Variants in CFAP46 observed in about 807,000 individuals in gnomAD.
CFAP46 encodes cilia and flagella associated protein 46.
Under a neutral mutation model 325.7 loss-of-function variants are expected in CFAP46, and 245 were observed. The ratio of observed to expected loss-of-function variants is 0.75; its 90% CI spans 0.68 to 0.84. The LOEUF is 0.84. Ranked by LOEUF, CFAP46 falls within the 40% of genes least tolerant of loss-of-function variation. CFAP46 has a pLI of 0.00. For missense variants in CFAP46, 3,346 were observed against 3,543.0 expected, an observed-to-expected ratio of 0.94 and a Z score of 1.41; for synonymous variants, 1,523 against 1,495.9, an observed-to-expected ratio of 1.02 and a Z score of -0.42.
Position 132,869,362 on chromosome 10 carries a change from C to T in CFAP46, c.4522G>A (p.Ala1508Thr), listed in dbSNP as rs779226172. 55 of 1,531,388 alleles carry T rather than the reference C, an allele frequency of 3.6e-5. No homozygotes were observed. The highest frequency in any genetic ancestry group is 4.1e-5 in the Non-Finnish European group (47 of 1,141,300). The allele number at this position is 1,531,388 out of a possible 1,614,324, so 94.9% of individuals were successfully genotyped here. A position where few individuals can be genotyped will look rare whatever the true frequency, so the allele number is the denominator to read the frequency against. Residue 1508 changes from alanine to threonine, a missense_variant, in exon 33 of 58, where the codon GCG becomes ACG. Coordinates refer to ENST00000368586, the MANE Select transcript of CFAP46 (RefSeq NM_001200049.3). The surrounding 1 kb of genome is among the most constrained non-coding windows in gnomAD (Gnocchi z 6.2). ...SDLYHLRLAH[A>T]CSELKLREAA... ...TCTCTCAGCTTCAGCTCGGAGCACG[C>T]GTGGGCGAGGCTGTGGGGAGTGTGG...
chr10:132,912,539 TCCTCTCTCTCTCTC>T, intron 19 of CFAP46, 102 bp downstream of exon 19: 5 of 697,064 alleles, frequency 7.2e-6, no homozygotes, highest in Admixed American at 4.2e-5. Context: ...CTCTCTCCTC[TCCTCTCTCTCTCTC>T]TTCACCTCTC....
Position 132,869,058 on chromosome 10 carries a change from C to G in CFAP46, c.4610+216G>C, listed in dbSNP as rs946450364. ...GGCTCGGGCCACCCTGGAGAGCCCC[C>G]CTCACCGCCCCTCCCTCCCTCTGTG... On this transcript the variant is annotated intron_variant, in intron 33 of 57. Coordinates refer to ENST00000368586, the MANE Select transcript of CFAP46 (RefSeq NM_001200049.3). This position sits in a 1 kb window ranked among gnomAD's most constrained non-coding sequence, Gnocchi z 6.2. 1.3e-5 allele frequency among the ~76,000 whole-genome samples: 2 copies of G among 152,220 alleles called. No individual in the cohort carries two copies. Among genetic ancestry groups the G allele is most frequent in the African/African-American group, 4.8e-5 (2 of 41,458 alleles).
intron 5 of CFAP46, 83 bp downstream of exon 5, chr10:132,938,506 C>G (rs1243021674): frequency 7.4e-7 from 1 of 1,355,230 alleles, no homozygotes; most frequent in Non-Finnish European, 1.0e-6. Flanking sequence ...ACTCCCGTCC[C>G]CCCCCCGGAG....
At chr10:132,861,382 G>A (rs144331912) in intron 35 of CFAP46, among the ~76,000 whole-genome samples, 3,044 of 152,350 alleles carry the variant, frequency 0.02, 45 homozygotes, top group Non-Finnish European at 0.03. Flanking sequence ...GCTGGTCTTC[G>A]GGGGGATTTG....
At chr10:132,858,760 T>G (rs1848683638) in intron 38 of CFAP46, among the ~76,000 whole-genome samples, 1 of 152,018 alleles carries the variant, frequency 6.6e-6, no homozygotes, top group South Asian at 2.1e-4. Context: ...TGTATGTCTG[T>G]GCGTGTCTGC....
rs549848313 is a variant in CFAP46 at position 132,869,025 on chromosome 10, C to T, written c.4610+249G>A. On this transcript the variant is annotated intron_variant, in intron 33 of 57. Transcript: ENST00000368586. This position sits in a 1 kb window ranked among gnomAD's most constrained non-coding sequence, Gnocchi z 6.2. ...CCCGGCAGCCAGCCTTTCTGTCCTC[C>T]GGGGAGGGGCTCGGGCCACCCTGGA... Among the ~76,000 whole-genome samples, 5 of 152,338 alleles carry T rather than the reference C, an allele frequency of 3.3e-5. No homozygotes were observed. Among genetic ancestry groups the T allele is most frequent in the Admixed American group, 1.3e-4 (2 of 15,308 alleles).
At position 132,847,203 on chromosome 10, in the gene CFAP46, C is replaced by G. The variant is rs751977503; in HGVS notation, c.6071G>C (p.Arg2024Thr). ...CAGCCGCACCTTCAGGTCCTCGCCT[C>G]TCCTGCAGTGCTCCTCCGGGGCTGC... ...SRAAPEEHCR[R>T]GEDLKRRMVL... The change falls in exon 42 of 58, where the codon AGA becomes ACA. Residue 2024 changes from arginine to threonine, a missense_variant. Physicochemically the swap from Arg to Thr is moderately conservative, Grantham distance 71. Coordinates refer to ENST00000368586, the MANE Select transcript of CFAP46 (RefSeq NM_001200049.3). The surrounding 1 kb of genome is among the most constrained non-coding windows in gnomAD (Gnocchi z 5.2). 2 of 1,612,694 alleles carry G rather than the reference C, an allele frequency of 1.2e-6. No homozygotes were observed. The highest frequency in any genetic ancestry group is 3.3e-5 in the Admixed American group (2 of 60,018).
chr10:132,872,616 T>G lies in CFAP46; in HGVS notation c.4511+60A>C, dbSNP rs770754242. On this transcript the variant is annotated intron_variant, in intron 32 of 57. Coordinates refer to ENST00000368586, the MANE Select transcript of CFAP46 (RefSeq NM_001200049.3). Reference sequence around the variant, plus strand: ...CAACTACAGAATTAATACCTTAACATGTTGTTTATTTTTGTTTTGCTTTGG... The same window carrying G: ...CAACTACAGAATTAATACCTTAACAGGTTGTTTATTTTTGTTTTGCTTTGG... 2.1e-5 allele frequency: 32 copies of G among 1,528,152 alleles called. No individual in the cohort carries two copies. The South Asian group carries it at 3.5e-4, about 17-fold the overall frequency. The allele number at this position is 1,528,152 out of a possible 1,614,324, so 94.7% of individuals were successfully genotyped here. A position where few individuals can be genotyped will look rare whatever the true frequency, so the allele number is the denominator to read the frequency against.
chr10:132,931,315 T>C (rs113035741), intron 8 of CFAP46, among the ~76,000 whole-genome samples: 150 of 39,346 alleles, frequency 3.8e-3, no homozygotes, highest in South Asian at 8.7e-3. Context: ...CCCACACTCC[T>C]CACGCAGAGC....
At chr10:132,928,618 C>T (rs1022054327) in intron 9 of CFAP46, among the ~76,000 whole-genome samples, 4 of 152,210 alleles carry the variant, frequency 2.6e-5, no homozygotes, top group African/African-American at 7.2e-5. Flanking sequence ...GGTTTACGTT[C>T]ACTCTTAGGT....
chr10:132,864,870 G>GT (rs752166427), intron 35 of CFAP46, among the ~76,000 whole-genome samples: 1 of 126,326 alleles, frequency 7.9e-6, no homozygotes, highest in East Asian at 2.5e-4. Context: ...GCACACACCT[G>GT]TCCCCCTGCC....
chr10:132,833,496 T>C lies in CFAP46; in HGVS notation c.6979A>G (p.Ile2327Val), dbSNP rs371132949. The C allele has an allele frequency of 6.8e-6, 11 of 1,613,946 alleles. No homozygotes were observed. Among genetic ancestry groups the C allele is most frequent in the Middle Eastern group, 1.6e-4 (1 of 6,082 alleles). Reference protein sequence around the residue: ...STVQPEVADKIVLVADRHLLE... With the variant: ...STVQPEVADKVVLVADRHLLE... ...AGATGTCTGTCTGCGACCAGGACTATCTTATCGGCAACCTCAGGCTGGACT... is the reference window on the plus strand; with the variant it reads ...AGATGTCTGTCTGCGACCAGGACTACCTTATCGGCAACCTCAGGCTGGACT... The change falls in exon 50 of 58, where the codon ATA (isoleucine) becomes GTA (valine). Residue 2327 changes from isoleucine to valine, a missense_variant. Ile to Val is a conservative substitution (Grantham distance 29). Coordinates refer to ENST00000368586, the MANE Select transcript of CFAP46 (RefSeq NM_001200049.3).
chr10:132,938,802 C>G (rs1850054603), intron 4 of CFAP46, 49 bp from the exon 5 acceptor site: 2 of 1,575,178 alleles, frequency 1.3e-6, no homozygotes, highest in African/African-American at 2.7e-5. Context: ...GCCCAGCCGG[C>G]CCAAGCTGCA....
intron 12 of CFAP46, 127 bp from the exon 13 acceptor site, chr10:132,922,351 G>T: frequency 6.9e-7 from 1 of 1,454,994 alleles, no homozygotes; most frequent in Non-Finnish European, 9.1e-7. Context: ...CACAGTGACA[G>T]CTCGGTCCCA....
At chr10:132,900,306 G>A (rs1162680249) in intron 22 of CFAP46, among the ~76,000 whole-genome samples, 1 of 152,340 alleles carries the variant, frequency 6.6e-6, no homozygotes, top group Non-Finnish European at 1.5e-5. Flanking sequence ...ACTCCTGGGT[G>A]TCAACAGCAG....
rs957995970 is a variant in CFAP46, at chr10:132,827,999, A to G, written c.7117+5359T>C. Among the ~76,000 whole-genome samples the G allele has an allele frequency of 4.6e-5, 7 of 151,064 alleles. No individual in the cohort carries two copies. Among genetic ancestry groups the G allele is most frequent in the Non-Finnish European group, 8.8e-5 (6 of 67,946 alleles). The stretch of plus-strand genomic sequence containing the variant: ...AGCGTAATCCTTCTGAGCCCCGTCT[A>G]CGCTGTCCCACGCACCAACAGCTCG... On this transcript the variant is annotated intron_variant, in intron 50 of 57. Transcript: ENST00000368586. This position sits in a 1 kb window ranked among gnomAD's most constrained non-coding sequence, Gnocchi z 5.7.
chr10:132,904,689 C>G (rs753697329), intron 22 of CFAP46, among the ~76,000 whole-genome samples: 93 of 152,334 alleles, frequency 6.1e-4, no homozygotes, highest in Non-Finnish European at 1.1e-3. Context: ...TATGAGGAGG[C>G]TTTATGCAGC....
chr10:132,888,862 C>T (rs1237877758), intron 25 of CFAP46, among the ~76,000 whole-genome samples: 1 of 136,150 alleles, frequency 7.3e-6, no homozygotes, highest in African/African-American at 2.9e-5. Flanking sequence ...GCACCTGCCA[C>T]CTTCACCCCT....
chr10:132,868,429 G>A (rs11815751), intron 33 of CFAP46, among the ~76,000 whole-genome samples: 15 of 152,340 alleles, frequency 9.8e-5, no homozygotes, highest in East Asian at 3.9e-4. Context: ...GTGTGGACAC[G>A]GTTCCAATGT....
Sources: allele counts gnomAD v4.1 joint callset (sites outside exome capture counted in the v4.1 genomes callset), GRCh38; gene constraint gnomAD v4.1.1; non-coding constraint Gnocchi (gnomAD v3.1); transcripts MANE v1.5; gene names NCBI Gene and HGNC (gene_info 2026-07-23, HGNC 2026-07-21).